The following PSME4 variants were observed in gnomAD, a reference collection of about 807,000 sequenced individuals.
The protein encoded by PSME4 is proteasome activator complex subunit 4.
In PSME4, 89 loss-of-function variants were observed where a neutral mutation model predicts 253.9. The ratio of observed to expected loss-of-function variants is 0.35; its 90% CI spans 0.30 to 0.42. PSME4 has a LOEUF of 0.42. Ranked by LOEUF, PSME4 falls within the 10% of genes least tolerant of loss-of-function variation. The pLI, the probability that PSME4 is intolerant of heterozygous loss-of-function variation, is 1.00. For synonymous variants in PSME4, 851 were observed against 759.2 expected, an observed-to-expected ratio of 1.12 and a Z score of -1.99; for missense variants, 2,014 against 2,195.2, an observed-to-expected ratio of 0.92 and a Z score of 1.65.
At chr2:53,929,787 G>A (rs1464024015) in intron 10 of PSME4, among the ~76,000 whole-genome samples, 1 of 152,002 alleles carries the variant, frequency 6.6e-6, no homozygotes, top group Non-Finnish European at 1.5e-5. Flanking sequence ...GGAGGCCAAG[G>A]CAGGCGGACT....
chr2:53,922,962 G>A, intron 16 of PSME4, 87 bp downstream of exon 16: 1 of 1,047,834 alleles, frequency 9.5e-7, no homozygotes. Context: ...GAAGCTAAAG[G>A]AATCTGTTGT....
At chr2:53,951,006 G>A (rs1371989001) in intron 1 of PSME4, among the ~76,000 whole-genome samples, 2 of 152,108 alleles carry the variant, frequency 1.3e-5, no homozygotes, top group Non-Finnish European at 2.9e-5. Flanking sequence ...AAGTCAACGG[G>A]AAAAAGAGCA....
chr2:53,901,480 G>A lies in PSME4; in HGVS notation c.3155C>T (p.Thr1052Met), dbSNP rs772659841. Residue 1052 changes from threonine (T) to methionine (M), a missense_variant, in exon 28 of 47, where the codon ACG (threonine) becomes ATG (methionine). Physicochemically the swap from Thr to Met is moderately conservative, Grantham distance 81. This residue lies in a region of PSME4 where 989 missense variants were observed against 1,021.1 expected (regional missense o/e 0.97). Transcript: ENST00000404125. ...NLHDWDCIVQ[T>M]WPAIVSSGLS... ...CCCTGAAGAAACAATCGCTGGCCAC[G>A]TCTGTACAATACAGTCCCAATCATG... is the stretch of plus-strand genomic sequence containing the variant. The A allele has an allele frequency of 8.1e-6, 13 of 1,613,938 alleles. No homozygotes were observed. Among genetic ancestry groups the A allele is most frequent in the Admixed American group, 6.7e-5 (4 of 59,992 alleles).
In PSME4 at chr2:53,931,900, T is replaced by A. The variant is rs761130518; in HGVS notation, c.1251A>T (p.Ala417=). The A allele has an allele frequency of 2.4e-5, 38 of 1,614,092 alleles. No individual in the cohort carries two copies. The highest frequency in any genetic ancestry group is 3.2e-5 in the Non-Finnish European group (38 of 1,180,046). Residue 417 remains alanine (A), a synonymous_variant, in exon 10 of 47, where the codon GCA becomes GCT. Coordinates refer to ENST00000404125, the MANE Select transcript of PSME4 (RefSeq NM_014614.3). ...AMFSKTGSLE[A]AQALQNLALM... is the part of the protein sequence containing the mutation. Reference sequence around the variant, plus strand: ...GTGCAAGATTCTGCAAAGCCTGGGCTGCTTCTAGACTACCGGTTTTGCTAA... The same window carrying A: ...GTGCAAGATTCTGCAAAGCCTGGGCAGCTTCTAGACTACCGGTTTTGCTAA...
Position 53,943,321 on chromosome 2 carries a change from T to A in PSME4, c.501-3321A>T, listed in dbSNP as rs190525900. ...CCTTTATAATTTAATGGTAACTGTT[T>A]ATACAGTATTTCTTTTTCTTAAACC... On this transcript the variant is annotated intron_variant, in intron 3 of 46. Transcript: ENST00000404125. Among the ~76,000 whole-genome samples the A allele has an allele frequency of 9.8e-5, 15 of 152,364 alleles. No individual in the cohort carries two copies. In the East Asian group the frequency reaches 2.9e-3, roughly 29 times the overall value.
intron 20 of PSME4, among the ~76,000 whole-genome samples, chr2:53,915,516 G>C (rs1199492603): frequency 1.3e-5 from 2 of 151,822 alleles, no homozygotes; most frequent in South Asian, 2.1e-4. Context: ...AGGATCACTT[G>C]AGCTCACAGA....
chr2:53,888,061 A>G (rs1679723661), intron 38 of PSME4, 72 bp from the exon 39 acceptor site: 2 of 1,431,994 alleles, frequency 1.4e-6, no homozygotes, highest in South Asian at 3.0e-5. Flanking sequence ...ATGGACAGAC[A>G]ATATCTGTAT....
chr2:53,906,401 G>A (rs990292366), intron 26 of PSME4, among the ~76,000 whole-genome samples, 197 bp downstream of exon 26: 1 of 152,184 alleles, frequency 6.6e-6, no homozygotes, highest in African/African-American at 2.4e-5. Context: ...GCTAACATGA[G>A]TTAAGAGAGC....
chr2:53,924,849 C>G (rs1668489641), intron 14 of PSME4, among the ~76,000 whole-genome samples: 1 of 152,148 alleles, frequency 6.6e-6, no homozygotes, highest in African/African-American at 2.4e-5. Flanking sequence ...AATACTGAAC[C>G]ATTGCTCCCA....
chr2:53,897,626 A>G (rs1680202675), intron 31 of PSME4, among the ~76,000 whole-genome samples: 1 of 152,176 alleles, frequency 6.6e-6, no homozygotes, highest in Non-Finnish European at 1.5e-5. Flanking sequence ...TCTAATTGTT[A>G]AATCTTTCCC....
intron 33 of PSME4, 88 bp downstream of exon 33, chr2:53,895,495 G>C (rs1457209575): frequency 6.2e-6 from 8 of 1,294,000 alleles, no homozygotes; most frequent in Non-Finnish European, 8.5e-6. Context: ...GAACCTTCAA[G>C]TGCCTCTGAA....
intron 40 of PSME4, 106 bp downstream of exon 40, chr2:53,887,153 T>C: frequency 9.7e-7 from 1 of 1,030,454 alleles, no homozygotes; most frequent in Non-Finnish European, 1.4e-6. Flanking sequence ...ACAGTAAATT[T>C]TTCATTATGT....
chr2:53,958,490 G>T (rs1348108056), intron 1 of PSME4, among the ~76,000 whole-genome samples: 6 of 152,064 alleles, frequency 3.9e-5, no homozygotes, highest in Admixed American at 2.6e-4. Flanking sequence ...AAATACTAAT[G>T]GGATTATAAC....
At chr2:53,933,700 C>A (rs992052307) in intron 8 of PSME4, among the ~76,000 whole-genome samples, 1 of 152,158 alleles carries the variant, frequency 6.6e-6, no homozygotes, top group African/African-American at 2.4e-5. Context: ...ACACTTAACA[C>A]AAAATGAAGT....
intron 21 of PSME4, 80 bp downstream of exon 21, chr2:53,909,995 C>T: frequency 8.5e-7 from 1 of 1,174,820 alleles, no homozygotes; most frequent in Non-Finnish European, 1.3e-6. Flanking sequence ...AAAAACACTA[C>T]TTCATACTTC....
intron 1 of PSME4, among the ~76,000 whole-genome samples, chr2:53,961,685 G>A (rs1573382801): frequency 1.3e-5 from 2 of 152,186 alleles, no homozygotes; most frequent in Middle Eastern, 3.4e-3. Flanking sequence ...AAAAATAAGG[G>A]GGGGAAGGGG....
intron 31 of PSME4, 80 bp downstream of exon 31, chr2:53,897,790 A>G: frequency 6.9e-7 from 1 of 1,457,824 alleles, no homozygotes; most frequent in South Asian, 1.2e-5. Context: ...CCAAGTGTGT[A>G]TTGCTTGTGA....
rs540911722 is a variant in PSME4, at chr2:53,874,508, A to T, written c.4945-14T>A. The T allele has an allele frequency of 6.2e-7, 1 of 1,612,208 alleles. No homozygotes were observed. Among genetic ancestry groups the T allele is most frequent in the African/African-American group, 1.3e-5 (1 of 74,968 alleles). ...GCTTCTTGCTGTCTGTGAATGACAA[A>T]TAAATATAAACGATAAAGCAGTACT... On this transcript the variant is annotated splice_polypyrimidine_tract_variant and intron_variant, in intron 42 of 46. Coordinates refer to ENST00000404125, the MANE Select transcript of PSME4 (RefSeq NM_014614.3).
intron 3 of PSME4, among the ~76,000 whole-genome samples, chr2:53,942,390 G>A (rs1410782719): frequency 6.6e-6 from 1 of 151,406 alleles, no homozygotes; most frequent in Admixed American, 6.6e-5. Flanking sequence ...AAATCAAAAG[G>A]GATCTACAGA....
Sources: gnomAD v4.1 joint callset for allele counts (sites outside exome capture counted in the v4.1 genomes callset) on GRCh38, gnomAD v4.1.1 for gene constraint, gnomAD v4.1.1 regional missense constraint, MANE v1.5 for transcripts, NCBI Gene and HGNC (gene_info 2026-07-23, HGNC 2026-07-21) for gene names.